Variants in ALS2 observed in about 807,000 individuals in gnomAD.
ALS2 encodes alsin Rho guanine nucleotide exchange factor ALS2.
ALS2 carries 117 observed loss-of-function variants against 203.4 expected under a neutral mutation model. The observed-to-expected ratio is 0.58, with a 90% CI of 0.50 to 0.67. The LOEUF (loss-of-function observed/expected upper bound fraction) is 0.67. Among genes scored for constraint, ALS2 ranks in the 30% least tolerant of loss-of-function variants. The pLI is 0.00. For synonymous variants in ALS2, 718 were observed against 725.9 expected, an observed-to-expected ratio of 0.99 and a Z score of 0.17; for missense variants, 1,715 against 1,989.4, an observed-to-expected ratio of 0.86 and a Z score of 2.62.
chr2:201,711,154 G>T, intron 25 of ALS2, 46 bp from the exon 26 acceptor site: 1 of 1,177,770 alleles, frequency 8.5e-7, no homozygotes, highest in Non-Finnish European at 1.3e-6. Context: ...CATCAAGAAA[G>T]CAAGATACGT....
chr2:201,715,808 C>T lies in ALS2; in HGVS notation c.3868G>A (p.Asp1290Asn). 6.2e-7 allele frequency: 1 copy of T among 1,614,242 alleles called. No homozygotes were observed. Among genetic ancestry groups the T allele is most frequent in the Non-Finnish European group, 8.5e-7 (1 of 1,180,046 alleles). ...TCAAACACCGCTTTCCACTTCTCAT[C>T]AGCTGGCACTGCCAGGTTTCCTAGC... The part of the protein sequence containing the change: ...RKLGNLAVPA[D>N]EKWKAVFDEC... Residue 1290 changes from aspartate (D) to asparagine (N), a missense_variant, in exon 25 of 34, where the codon GAT becomes AAT. This residue lies in a region of ALS2 where 1,227 missense variants were observed against 1,413.5 expected (regional missense o/e 0.87). Transcript: ENST00000264276.
chr2:201,740,908 A>T (rs1443624190), intron 11 of ALS2, among the ~76,000 whole-genome samples: 1 of 152,204 alleles, frequency 6.6e-6, no homozygotes, highest in Non-Finnish European at 1.5e-5. Context: ...CGCAGGCCCC[A>T]TGCTGTGCTG....
At chr2:201,751,498 A>G (rs1693054573) in intron 7 of ALS2, among the ~76,000 whole-genome samples, 1 of 152,216 alleles carries the variant, frequency 6.6e-6, no homozygotes, top group African/African-American at 2.4e-5. Flanking sequence ...TTTTATGACG[A>G]AAATATAAAT....
Position 201,707,922 on chromosome 2 carries a change from C to G in ALS2, c.4350G>C (p.Arg1450Ser), listed in dbSNP as rs1249273732. The stretch of plus-strand genomic sequence containing the variant: ...CTGACTTCCCAGTGCAAAAAGACTT[C>G]CTTTCGGTTGGCAGAGGAGCAGAGA... ...IPLSAPLPTE[R>S]KSFCTGKSDS... Residue 1450 changes from arginine to serine, a missense_variant, in exon 28 of 34, where the codon AGG becomes AGC. Physicochemically the swap from Arg to Ser is moderately radical, Grantham distance 110. Transcript: ENST00000264276. The G allele has an allele frequency of 6.2e-7, 1 of 1,613,536 alleles. No individual in the cohort carries two copies. The highest frequency in any genetic ancestry group is 8.5e-7 in the Non-Finnish European group (1 of 1,179,738).
chr2:201,765,970 T>A (rs1305395772), intron 3 of ALS2: 1 of 162,624 alleles, frequency 6.1e-6, no homozygotes, highest in African/African-American at 2.4e-5. Flanking sequence ...ACTTTCAGTT[T>A]CCTTGTCTGT....
intron 23 of ALS2, chr2:201,720,238 C>A: frequency 2.8e-6 from 1 of 351,002 alleles, no homozygotes; most frequent in South Asian, 2.2e-5. Context: ...TTAAATCCAG[C>A]AACACCAACA....
intron 25 of ALS2, among the ~76,000 whole-genome samples, chr2:201,714,149 C>A (rs756967503): frequency 2.0e-5 from 3 of 152,156 alleles, no homozygotes; most frequent in Non-Finnish European, 2.9e-5. Flanking sequence ...AAAAAAGAAC[C>A]TGCTTATAAG....
intron 12 of ALS2, among the ~76,000 whole-genome samples, chr2:201,737,943 G>T (rs1469815329): frequency 6.6e-6 from 1 of 151,560 alleles, no homozygotes; most frequent in Non-Finnish European, 1.5e-5. Context: ...AGCAAACATG[G>T]CAAAACATTA....
Position 201,726,870 on chromosome 2 carries a change from G to C in ALS2, c.2980-4C>G. ...TTATAGCTCGTAGCCACTTTGTCTAGGAGCAAAAAGTAACGTCAATAAGTT... is the reference window on the plus strand; with the variant it reads ...TTATAGCTCGTAGCCACTTTGTCTACGAGCAAAAAGTAACGTCAATAAGTT... On this transcript the variant is annotated splice_region_variant and splice_polypyrimidine_tract_variant and intron_variant, in intron 17 of 33. Transcript: ENST00000264276. 1.2e-6 allele frequency: 2 copies of C among 1,613,094 alleles called. No homozygotes were observed. The highest frequency in any genetic ancestry group is 1.7e-6 in the Non-Finnish European group (2 of 1,179,470).
At chr2:201,729,708 G>A (rs1057329801) in intron 13 of ALS2, among the ~76,000 whole-genome samples, 2 of 151,818 alleles carry the variant, frequency 1.3e-5, no homozygotes, top group South Asian at 2.1e-4. Context: ...GTAAAACCCC[G>A]TATTCACTAA....
intron 33 of ALS2, among the ~76,000 whole-genome samples, chr2:201,702,702 G>C (rs2105960949): frequency 6.6e-6 from 1 of 152,288 alleles, no homozygotes. Flanking sequence ...TACTAGTTCA[G>C]TTTCTTCTTT....
intron 23 of ALS2, 131 bp downstream of exon 23, chr2:201,722,912 G>T (rs1690901013): frequency 8.3e-6 from 6 of 720,260 alleles, no homozygotes; most frequent in South Asian, 1.8e-5. Context: ...CAGCCATGTT[G>T]ACCAAAAATC....
chr2:201,755,461 C>T (rs955940905), intron 5 of ALS2, among the ~76,000 whole-genome samples: 3 of 152,122 alleles, frequency 2.0e-5, no homozygotes, highest in African/African-American at 7.2e-5. Context: ...CAGGGTTTTG[C>T]CATACTGGCC....
At chr2:201,717,985 G>T in intron 24 of ALS2, 92 bp downstream of exon 24, 1 of 1,311,720 alleles carries the variant, frequency 7.6e-7, no homozygotes, top group South Asian at 1.3e-5. Flanking sequence ...TTAAGAACTT[G>T]ACTTTGCTTT....
In ALS2 at chr2:201,715,664, T is replaced by TCA. The variant is rs773855257; in HGVS notation, c.4004+6_4004+7dup. 1 of 1,614,118 alleles carries TCA rather than the reference T, an allele frequency of 6.2e-7. No individual in the cohort carries two copies. The highest frequency in any genetic ancestry group is 2.2e-5 in the East Asian group (1 of 44,876). On this transcript the variant is annotated splice_region_variant and intron_variant, in intron 25 of 33. Transcript: ENST00000264276. ...GCTCTGCTGTATGTTGAGCAGGTGT[T>TCA]CACTCACCTGTCTCTGTGCTGGCGC... is the stretch of plus-strand genomic sequence containing the variant.
At position 201,724,259 on chromosome 2, in the gene ALS2, G is replaced by A. The variant is rs764868839; in HGVS notation, c.3512+36C>T. On this transcript the variant is annotated intron_variant, in intron 21 of 33. Transcript: ENST00000264276. ...TAAATAATGATGGTGCTTAATCATT[G>A]GCTTAAACTGTGGGAATAGAAGGAG... 4.4e-6 allele frequency: 7 copies of A among 1,588,588 alleles called. No homozygotes were observed. In the African/African-American group the frequency reaches 9.4e-5, roughly 21 times the overall value.
intron 23 of ALS2, among the ~76,000 whole-genome samples, chr2:201,718,481 G>C (rs924945504): frequency 6.6e-6 from 1 of 151,948 alleles, no homozygotes; most frequent in Non-Finnish European, 1.5e-5. Context: ...GGCTGGTCTT[G>C]AACTCCTGAC....
At chr2:201,726,989 G>T in intron 17 of ALS2, 123 bp from the exon 18 acceptor site, 1 of 932,592 alleles carries the variant, frequency 1.1e-6, no homozygotes, top group Non-Finnish European at 1.7e-6. Context: ...CTTATTAATA[G>T]AGTAATATTG....
At chr2:201,746,111 T>C (rs1446872874) in intron 9 of ALS2, among the ~76,000 whole-genome samples, 1 of 152,190 alleles carries the variant, frequency 6.6e-6, no homozygotes. Flanking sequence ...ATTCATCTAC[T>C]CTATTTCTAA....
Sources: allele counts gnomAD v4.1 joint callset (sites outside exome capture counted in the v4.1 genomes callset), GRCh38; gene constraint gnomAD v4.1.1; regional missense constraint gnomAD v4.1.1; transcripts MANE v1.5; gene names NCBI Gene and HGNC (gene_info 2026-07-23, HGNC 2026-07-21).